The following TLE2 variants were observed in gnomAD, a reference collection of about 807,000 sequenced individuals.
TLE2 encodes transducin-like enhancer protein 2.
Under a neutral mutation model 97.2 loss-of-function variants are expected in TLE2, and 74 were observed. The ratio of observed to expected loss-of-function variants is 0.76; its 90% CI spans 0.63 to 0.92. The LOEUF (loss-of-function observed/expected upper bound fraction) is 0.92, where lower values mean the gene tolerates loss of function less well. Ranked by LOEUF, TLE2 falls within the 40% of genes least tolerant of loss-of-function variation. TLE2 has a pLI of 0.00. For synonymous variants in TLE2, 499 were observed against 432.1 expected, an observed-to-expected ratio of 1.15 and a Z score of -1.92; for missense variants, 1,038 against 1,008.7, an observed-to-expected ratio of 1.03 and a Z score of -0.39.
intron 1 of TLE2, among the ~76,000 whole-genome samples, chr19:3,035,728 G>A (rs867470792): frequency 6.6e-6 from 1 of 152,188 alleles, no homozygotes; most frequent in Non-Finnish European, 1.5e-5. Context: ...GGCCAATGGG[G>A]ATTAGGAGAC....
chr19:3,022,290 G>T (rs1418677631), intron 5 of TLE2, among the ~76,000 whole-genome samples: 1 of 152,008 alleles, frequency 6.6e-6, no homozygotes, highest in Non-Finnish European at 1.5e-5. Context: ...GGGAGGCCGA[G>T]CCAGATGGAT....
At chr19:3,022,542 A>AC (rs1555693439) in intron 5 of TLE2, among the ~76,000 whole-genome samples, 1 of 151,782 alleles carries the variant, frequency 6.6e-6, no homozygotes, top group African/African-American at 2.4e-5. Context: ...AAAAAAAAAA[A>AC]TTTTTTTAAG....
chr19:3,039,966 T>C (rs1323625595), intron 1 of TLE2, among the ~76,000 whole-genome samples: 1 of 152,160 alleles, frequency 6.6e-6, no homozygotes, highest in Non-Finnish European at 1.5e-5. Context: ...CACGATCAAA[T>C]AGCTCGATAG....
intron 19 of TLE2, among the ~76,000 whole-genome samples, chr19:2,998,959 A>G (rs1218256375): frequency 6.6e-6 from 1 of 152,226 alleles, no homozygotes; most frequent in African/African-American, 2.4e-5. Context: ...AAGTCTAAAT[A>G]AGTCCATGTC....
Position 3,029,241 on chromosome 19 carries a change from G to C in TLE2, c.-337C>G, listed in dbSNP as rs1296550333. On this transcript the variant is annotated 5_prime_UTR_variant, in exon 1 of 20. Transcript: ENST00000262953. ...TTTCGGTGGCGGCGGCGCGGGCGGCGGGCCCCGCGCGGAGCCGCCTCCCTC... is the reference window on the plus strand; with the variant it reads ...TTTCGGTGGCGGCGGCGCGGGCGGCCGGCCCCGCGCGGAGCCGCCTCCCTC... 3 of 280,590 alleles carry C rather than the reference G, an allele frequency of 1.1e-5. No individual in the cohort carries two copies. Among genetic ancestry groups the C allele is most frequent in the Non-Finnish European group, 1.6e-5 (3 of 189,774 alleles). 17.4% of individuals were successfully genotyped at this position (280,590 alleles called of 1,614,324 possible).
At chr19:3,000,276 C>T (rs903588306) in intron 19 of TLE2, among the ~76,000 whole-genome samples, 43 of 151,500 alleles carry the variant, frequency 2.8e-4, no homozygotes, top group African/African-American at 1.0e-3. Context: ...GGGTTTTCAC[C>T]ATATTAGCCA....
chr19:3,039,922 G>A (rs142072423), intron 1 of TLE2, among the ~76,000 whole-genome samples: 96 of 152,286 alleles, frequency 6.3e-4, no homozygotes, highest in African/African-American at 2.3e-3. Context: ...CCTGTACAGT[G>A]GGATAATTAT....
chr19:3,032,607 C>T (rs1485549295), upstream of TLE2, among the ~76,000 whole-genome samples: 2 of 152,100 alleles, frequency 1.3e-5, no homozygotes, highest in Non-Finnish European at 2.9e-5. The surrounding 1 kb of genome is among the most constrained non-coding windows in gnomAD (Gnocchi z 4.1). Flanking sequence ...TCCCTCACCA[C>T]GAAGAAGGCT....
chr19:3,003,096 C>T (rs1401961491), intron 17 of TLE2, among the ~76,000 whole-genome samples: 3 of 152,170 alleles, frequency 2.0e-5, no homozygotes, highest in Non-Finnish European at 4.4e-5. Context: ...TAGAGAAAGG[C>T]AGCTGGCCCA....
chr19:3,001,944 C>G (rs977638702), intron 18 of TLE2, among the ~76,000 whole-genome samples: 1 of 151,778 alleles, frequency 6.6e-6, no homozygotes, highest in Non-Finnish European at 1.5e-5. Flanking sequence ...ATTACAGGCG[C>G]CCACCACCAC....
chr19:3,047,231 C>G (rs1386155759), upstream of TLE2, among the ~76,000 whole-genome samples: 1 of 134,108 alleles, frequency 7.5e-6, no homozygotes, highest in Non-Finnish European at 1.6e-5. Flanking sequence ...ATTAGCCGAT[C>G]AATTAGCCGA....
rs191131484 is a variant in TLE2 at position 3,027,760 on chromosome 19, C to A, written c.231+69G>T. Reference sequence around the variant, plus strand: ...TCTGCTCTGGCCCCGGCTGCCCACTCTGGGTCCTTCTCAGGGCTTCCAGAC... The same window carrying A: ...TCTGCTCTGGCCCCGGCTGCCCACTATGGGTCCTTCTCAGGGCTTCCAGAC... On this transcript the variant is annotated intron_variant, in intron 4 of 19. Coordinates refer to ENST00000262953, the MANE Select transcript of TLE2 (RefSeq NM_003260.5). 1.9e-5 allele frequency: 29 copies of A among 1,539,158 alleles called. No individual in the cohort carries two copies. The Admixed American group carries it at 2.2e-4, about 12-fold the overall frequency.
chr19:3,045,085 G>A (rs1216988688), intron 1 of TLE2, among the ~76,000 whole-genome samples: 2 of 152,136 alleles, frequency 1.3e-5, no homozygotes, highest in East Asian at 3.9e-4. Flanking sequence ...GTGGTGGTGT[G>A]TGCCTGTAGT....
intron 4 of TLE2, 45 bp downstream of exon 4, chr19:3,027,784 A>T: frequency 6.4e-7 from 1 of 1,566,374 alleles, no homozygotes; most frequent in Non-Finnish European, 8.7e-7. Flanking sequence ...GGGCTTCCAG[A>T]CCCCCACCCT....
chr19:3,002,607 T>C, intron 17 of TLE2, 104 bp from the exon 18 acceptor site: 1 of 1,392,630 alleles, frequency 7.2e-7, no homozygotes, highest in East Asian at 2.6e-5. Flanking sequence ...GGCACAATCA[T>C]GGCTCACTGC....
intron 10 of TLE2, 83 bp downstream of exon 10, chr19:3,014,487 T>A: frequency 7.7e-7 from 1 of 1,302,512 alleles, no homozygotes; most frequent in Non-Finnish European, 1.0e-6. Flanking sequence ...GGATCCCCAC[T>A]ACCTCTGGGT....
At chr19:3,017,765 G>C in intron 8 of TLE2, 75 bp downstream of exon 8, 2 of 1,449,288 alleles carry the variant, frequency 1.4e-6, no homozygotes, top group Non-Finnish European at 9.5e-7. Flanking sequence ...GTCTCATTCT[G>C]AGGCCCCCAT....
intron 8 of TLE2, among the ~76,000 whole-genome samples, chr19:3,016,089 C>A (rs1005237698): frequency 6.6e-6 from 1 of 151,772 alleles, no homozygotes; most frequent in East Asian, 2.0e-4. Flanking sequence ...GGCGCCACCA[C>A]CACGCCCAGC....
intron 19 of TLE2, among the ~76,000 whole-genome samples, chr19:3,000,198 A>G (rs539581454): frequency 3.3e-5 from 5 of 150,806 alleles, no homozygotes; most frequent in Non-Finnish European, 7.4e-5. Flanking sequence ...CAGCCTCTCG[A>G]GTAGCTGGGA....
Sources: allele counts gnomAD v4.1 joint callset (sites outside exome capture counted in the v4.1 genomes callset), GRCh38; gene constraint gnomAD v4.1.1; non-coding constraint Gnocchi (gnomAD v3.1); transcripts MANE v1.5; gene names NCBI Gene and HGNC (gene_info 2026-07-23, HGNC 2026-07-21).